Variants in KLHL35 observed in about 807,000 individuals in gnomAD.
KLHL35 encodes the protein kelch like family member 35.
In KLHL35, 50 loss-of-function variants were observed where a neutral mutation model predicts 44.0. The observed-to-expected ratio is 1.14, with a 90% CI of 0.91 to 1.44. The LOEUF (loss-of-function observed/expected upper bound fraction) is 1.44, where lower values mean the gene tolerates loss of function less well. Among genes scored for constraint, KLHL35 ranks in the 40% most tolerant of loss-of-function variants. KLHL35 has a pLI of 0.00. For synonymous variants in KLHL35, 470 were observed against 410.4 expected (o/e 1.15, Z -1.76); for missense variants, 1,049 against 887.8 (o/e 1.18, Z -2.31).
rs1390691157 is a variant in KLHL35, at chr11:75,430,211, T to G, written c.419A>C (p.Glu140Ala). ...AERLGVAGLR[E>A]ACVRFLEGRL... is the part of the protein sequence containing the mutation. ...GCCCTCGAGAAAGCGCACGCAGGCC[T>G]CGCGCAGGCCCGCCACGCCCAGCCG... Residue 140 changes from glutamate to alanine, a missense_variant, in exon 2 of 7, where the codon GAG (glutamate) becomes GCG (alanine). Transcript: ENST00000539798. 3 of 1,233,420 alleles carry G rather than the reference T, an allele frequency of 2.4e-6. No individual in the cohort carries two copies. In the African/African-American group the frequency reaches 4.8e-5, roughly 20 times the overall value. 76.4% of individuals were successfully genotyped at this position (1,233,420 alleles called of 1,614,324 possible).
chr11:75,429,619 G>T, intron 2 of KLHL35, 130 bp downstream of exon 2: 1 of 1,182,230 alleles, frequency 8.5e-7, no homozygotes, highest in Non-Finnish European at 1.1e-6. Flanking sequence ...TGGGCACCGA[G>T]CCTCTAAAAT....
rs894037397 is a variant in KLHL35, at chr11:75,425,425, C to T, written c.1342G>A (p.Gly448Ser). 2 of 1,567,296 alleles carry T rather than the reference C, an allele frequency of 1.3e-6. No individual in the cohort carries two copies. Among genetic ancestry groups the T allele is most frequent in the South Asian group, 1.2e-5 (1 of 86,356 alleles). ...GTGTTGACGCCGCCCTGCCTGGCGC[C>T]CCCAATCACGAAGAGCTTGCCCGCG... The part of the protein sequence containing the change: ...SCAGKLFVIG[G>S]ARQGGVNTDK... The change falls in exon 5 of 7, where the codon GGC (glycine) becomes AGC (serine). Residue 448 changes from glycine to serine, a missense_variant. By Grantham distance (56) the Gly-to-Ser change is moderately conservative. Coordinates refer to ENST00000539798, the MANE Select transcript of KLHL35 (RefSeq NM_001039548.3).
At position 75,425,635 on chromosome 11, in the gene KLHL35, G is replaced by A. The variant is rs1049572690; in HGVS notation, c.1186-54C>T. 1.3e-5 allele frequency: 18 copies of A among 1,370,514 alleles called. No homozygotes were observed. In the South Asian group the frequency reaches 2.7e-4, roughly 20 times the overall value. 84.9% of individuals were successfully genotyped at this position (1,370,514 alleles called of 1,614,324 possible). A position where few individuals can be genotyped will look rare whatever the true frequency, so the allele number is the denominator to read the frequency against. On this transcript the variant is annotated intron_variant, in intron 4 of 6. Coordinates refer to ENST00000539798, the MANE Select transcript of KLHL35 (RefSeq NM_001039548.3). The stretch of plus-strand genomic sequence containing the variant: ...CGGGTGCCAGGGCCTTAGGGCCCTC[G>A]GCCTCATCGCTTCAGTCCTTACAGT...
In KLHL35 at chr11:75,430,118, G is replaced by C. The variant is rs1488683160; in HGVS notation, c.512C>G (p.Ala171Gly). ...ACGCAGGACGCGGCCGCAGCGCTCGGCCAGCGGGGCCAGCGAGAAGGCGGC... is the reference window on the plus strand; with the variant it reads ...ACGCAGGACGCGGCCGCAGCGCTCGCCCAGCGGGGCCAGCGAGAAGGCGGC... ...VAAAFSLAPL[A>G]ERCGRVLRQA... The change falls in exon 2 of 7, where the codon GCC (alanine) becomes GGC (glycine). Residue 171 changes from alanine (A) to glycine (G), a missense_variant. Physicochemically the swap from Ala to Gly is moderately conservative, Grantham distance 60 (BLOSUM62 0). Coordinates refer to ENST00000539798, the MANE Select transcript of KLHL35 (RefSeq NM_001039548.3). 1.3e-5 allele frequency: 16 copies of C among 1,267,420 alleles called. No individual in the cohort carries two copies. The highest frequency in any genetic ancestry group is 1.5e-5 in the Non-Finnish European group (15 of 1,010,818). The allele number at this position is 1,267,420 out of a possible 1,614,324, so 78.5% of individuals were successfully genotyped here. A position where few individuals can be genotyped will look rare whatever the true frequency, so the allele number is the denominator to read the frequency against.
chr11:75,424,162 A>C, intron 5 of KLHL35: 4 of 363,540 alleles, frequency 1.1e-5, no homozygotes, highest in East Asian at 1.0e-4. Context: ...CCCATCCTTA[A>C]AGGTCTCCCT....
At chr11:75,425,322 C>T in intron 5 of KLHL35, 71 bp downstream of exon 5, 1 of 1,437,530 alleles carries the variant, frequency 7.0e-7, no homozygotes, top group Non-Finnish European at 9.1e-7. Flanking sequence ...TGGAAACGCC[C>T]AATTCTGCGC....
Position 75,423,770 on chromosome 11 carries a change from C to T in KLHL35, c.1485G>A (p.Gly495=), listed in dbSNP as rs370787118. The T allele has an allele frequency of 2.7e-5, 43 of 1,613,752 alleles. No individual in the cohort carries two copies. In the Admixed American group the frequency reaches 5.3e-4, roughly 20 times the overall value. ...AGGTGAAGATTTTGCTCATGAGACC[C>T]CCCATGACATAGATGGTGTCCTCAA... ...VSLEDTIYVM[G]GLMSKIFTYD... The change falls in exon 6 of 7, where the codon GGG becomes GGA. Residue 495 remains glycine, a synonymous_variant. Transcript: ENST00000539798.
chr11:75,424,339 C>T (rs76056420), intron 5 of KLHL35: 2,540 of 158,478 alleles, frequency 0.016, 79 homozygotes, highest in African/African-American at 0.056. Context: ...AGCAGACCCC[C>T]GACGGGGATG....
At chr11:75,424,079 T>A in intron 5 of KLHL35, 199 bp from the exon 6 acceptor site, 1 of 558,668 alleles carries the variant, frequency 1.8e-6, no homozygotes, top group Non-Finnish European at 3.2e-6. Flanking sequence ...TCTAGTTCTA[T>A]GTTCTGTCCT....
rs368944964 is a variant in KLHL35 at position 75,428,535 on chromosome 11, C to G, written c.973G>C (p.Glu325Gln). 1 of 1,612,222 alleles carries G rather than the reference C, an allele frequency of 6.2e-7. No homozygotes were observed. The highest frequency in any genetic ancestry group is 8.5e-7 in the Non-Finnish European group (1 of 1,179,856). ...KLPFADAYHPESQRWTPLPSL... is the reference protein window; with the variant it reads ...KLPFADAYHPQSQRWTPLPSL... ...GGCAGTGGGGTCCACCGCTGGCTCT[C>G]TGGATGGTAGGCATCGGCGAAGGGC... Residue 325 changes from glutamate to glutamine, a missense_variant, in exon 3 of 7, where the codon GAG becomes CAG. Physicochemically the swap from Glu to Gln is conservative, Grantham distance 29. Transcript: ENST00000539798.
chr11:75,423,689 T>TA lies in KLHL35; in HGVS notation c.1563+2dup. Reference sequence around the variant, plus strand: ...GCTCTCCTGCCTTGAAGCCTCCACTTACCACAGGGCTGGGGAGGACAGCTG... The same window carrying TA: ...GCTCTCCTGCCTTGAAGCCTCCACTTAACCACAGGGCTGGGGAGGACAGCTG... On this transcript the variant is annotated splice_region_variant and intron_variant, in intron 6 of 6. Transcript: ENST00000539798. 6.2e-7 allele frequency: 1 copy of TA among 1,613,062 alleles called. No individual in the cohort carries two copies. Among genetic ancestry groups the TA allele is most frequent in the Non-Finnish European group, 8.5e-7 (1 of 1,179,396 alleles).
rs926922847 is a variant in KLHL35, at chr11:75,429,774, C to T, written c.856G>A (p.Gly286Ser). 5 of 1,497,716 alleles carry T rather than the reference C, an allele frequency of 3.3e-6. No individual in the cohort carries two copies. In the South Asian group the frequency reaches 5.0e-5, roughly 15 times the overall value. 92.8% of individuals were successfully genotyped at this position (1,497,716 alleles called of 1,614,324 possible). The change falls in exon 2 of 7, where the codon GGT (glycine) becomes AGT (serine). Residue 286 changes from glycine to serine, a missense_variant. Coordinates refer to ENST00000539798, the MANE Select transcript of KLHL35 (RefSeq NM_001039548.3). ...CTCCGCGGCCGGGTCCGCAGCGCAC[C>T]GGCCTCGCGGCCCAGGATGAAGCAG... Reference protein sequence around the residue: ...RACFILGREAGALRTRPRRFM... With the variant: ...RACFILGREASALRTRPRRFM...
Position 75,426,545 on chromosome 11 carries a change from T to C in KLHL35, c.1160A>G (p.His387Arg). 3 of 1,600,692 alleles carry C rather than the reference T, an allele frequency of 1.9e-6. No individual in the cohort carries two copies. Among genetic ancestry groups the C allele is most frequent in the Non-Finnish European group, 2.6e-6 (3 of 1,173,954 alleles). Reference protein sequence around the residue: ...VASLHKGRWRHKMAVVQGQLF... With the variant: ...VASLHKGRWRRKMAVVQGQLF... The stretch of plus-strand genomic sequence containing the variant: ...CTGCCCCTGCACAACTGCCATCTTG[T>C]GCCTCCACCTGCCCTTGTGCAGAGA... The change falls in exon 4 of 7, where the codon CAC becomes CGC. Residue 387 changes from histidine (H) to arginine (R), a missense_variant. Transcript: ENST00000539798.
Position 75,430,351 on chromosome 11 carries a change from G to T in KLHL35, c.279C>A (p.Gly93=). The T allele has an allele frequency of 1.5e-6, 2 of 1,319,986 alleles. No individual in the cohort carries two copies. Among genetic ancestry groups the T allele is most frequent in the Non-Finnish European group, 1.9e-6 (2 of 1,033,176 alleles). 81.8% of individuals were successfully genotyped at this position (1,319,986 alleles called of 1,614,324 possible). A position where few individuals can be genotyped will look rare whatever the true frequency, so the allele number is the denominator to read the frequency against. Residue 93 remains glycine, a synonymous_variant, in exon 2 of 7, where the codon GGC becomes GGA. Coordinates refer to ENST00000539798, the MANE Select transcript of KLHL35 (RefSeq NM_001039548.3). ...CCGCCGCCGCCCCGGCCGGGCTCGT[G>T]CCTGGCGCCTCGGGAGCTACTGGCA... ...PVVPVAPEAP[G]TSPAGAAAAL...
In KLHL35 at chr11:75,430,331, GC is replaced by G; in HGVS notation, c.298del (p.Ala100ArgfsTer57). On this transcript the variant is annotated frameshift_variant, in exon 2 of 7. Transcript: ENST00000539798. LOFTEE classifies it high-confidence loss of function. ...GTCGAGCACCACGGCCAGCGCCGCC[GC>G]CGCCCCGGCCGGGCTCGTGCCTGGC... The part of the protein sequence containing the change: ...EAPGTSPAGA[A>X]AALAVVLDYV... The G allele has an allele frequency of 7.8e-7, 1 of 1,274,882 alleles. No homozygotes were observed. Among genetic ancestry groups the G allele is most frequent in the Non-Finnish European group, 9.9e-7 (1 of 1,010,338 alleles). The allele number at this position is 1,274,882 out of a possible 1,614,324, so 79.0% of individuals were successfully genotyped here.
At chr11:75,431,263 C>G (rs1205421266) in intron 1 of KLHL35, among the ~76,000 whole-genome samples, 1 of 152,238 alleles carries the variant, frequency 6.6e-6, no homozygotes, top group South Asian at 2.1e-4. Context: ...TGACCACACC[C>G]TGAGCACTCC....
Position 75,430,278 on chromosome 11 carries a change from G to T in KLHL35, c.352C>A (p.Arg118Ser). 2.5e-6 allele frequency: 3 copies of T among 1,205,358 alleles called. No homozygotes were observed. Among genetic ancestry groups the T allele is most frequent in the Non-Finnish European group, 3.1e-6 (3 of 974,006 alleles). 74.7% of individuals were successfully genotyped at this position (1,205,358 alleles called of 1,614,324 possible). Residue 118 changes from arginine to serine, a missense_variant, in exon 2 of 7, where the codon CGC becomes AGC. Transcript: ENST00000539798. Reference sequence around the variant, plus strand: ...ACGGCCGCCGCCTCGTCCTCCGCGCGCAGCCGCACGCCCGCTCCGTACACG... The same window carrying T: ...ACGGCCGCCGCCTCGTCCTCCGCGCTCAGCCGCACGCCCGCTCCGTACACG... ...DYVYGAGVRL[R>S]AEDEAAAVLA...
rs1317080714 is a variant in KLHL35 at position 75,425,503 on chromosome 11, C to T, written c.1264G>A (p.Ala422Thr). 4 of 1,563,102 alleles carry T rather than the reference C, an allele frequency of 2.6e-6. No homozygotes were observed. Among genetic ancestry groups the T allele is most frequent in the Non-Finnish European group, 3.4e-6 (4 of 1,162,212 alleles). ...GCCTCCGGGAGGGGCGCGGCGGCCG[C>T]CCAGGTGTTGGAGAAGGGGTCGTAG... Reference protein sequence around the residue: ...ERYDPFSNTWAAAAPLPEAVS... With the variant: ...ERYDPFSNTWTAAAPLPEAVS... Residue 422 changes from alanine (A) to threonine (T), a missense_variant, in exon 5 of 7, where the codon GCG (alanine) becomes ACG (threonine). By Grantham distance (58) the Ala-to-Thr change is moderately conservative (BLOSUM62 0). Transcript: ENST00000539798.
chr11:75,425,042 T>G (rs1447846374), intron 5 of KLHL35: 4 of 26,128 alleles, frequency 1.5e-4, no homozygotes, highest in Admixed American at 2.7e-4. Flanking sequence ...GGATTATGGG[T>G]TTTTTTTTTT....
Sources: gnomAD v4.1 joint callset for allele counts (sites outside exome capture counted in the v4.1 genomes callset) on GRCh38, gnomAD v4.1.1 for gene constraint, MANE v1.5 for transcripts, NCBI Gene and HGNC (gene_info 2026-07-23, HGNC 2026-07-21) for gene names.